KLF5: variants seen among roughly 807,000 people sequenced by gnomAD.
KLF5 encodes KLF transcription factor 5, also known as Krueppel-like factor 5.
A neutral mutation model predicts 36.9 loss-of-function variants in KLF5; 9 were observed. That is an observed-to-expected ratio of 0.24 (90% CI 0.15 to 0.43). The LOEUF (loss-of-function observed/expected upper bound fraction) is 0.43, where lower values mean the gene tolerates loss of function less well. Ranked by LOEUF, KLF5 falls within the 20% of genes least tolerant of loss-of-function variation. The pLI, the probability that KLF5 is intolerant of heterozygous loss-of-function variation, is 1.00. For missense variants in KLF5, 524 were observed against 599.5 expected (o/e 0.87, Z 1.31); for synonymous variants, 246 against 241.7 (o/e 1.02, Z -0.17).
chr13:73,071,267 T>TAC (rs2044720245), intron 3 of KLF5, among the ~76,000 whole-genome samples: 1 of 152,188 alleles, frequency 6.6e-6, no homozygotes, highest in Admixed American at 6.5e-5. Flanking sequence ...AAGAAAGTGA[T>TAC]AAATATAAAT....
intron 3 of KLF5, among the ~76,000 whole-genome samples, chr13:73,067,241 A>G (rs2044686769): frequency 6.6e-6 from 1 of 152,236 alleles, no homozygotes; most frequent in East Asian, 1.9e-4. Flanking sequence ...GTCTTTATAA[A>G]TCAACATGAC....
At chr13:73,066,958 A>G (rs1366537766) in intron 3 of KLF5, among the ~76,000 whole-genome samples, 1 of 152,206 alleles carries the variant, frequency 6.6e-6, no homozygotes, top group East Asian at 1.9e-4. Flanking sequence ...ATAGTATAGC[A>G]TAAGGCCTGT....
chr13:73,061,159 A>G lies in KLF5; in HGVS notation c.262-702A>G, dbSNP rs116865297. ...ATCTGTTTTAGATAGGGATATGAATAGGAACATTTCATTATCATATTAACC... is the reference window on the plus strand; with the variant it reads ...ATCTGTTTTAGATAGGGATATGAATGGGAACATTTCATTATCATATTAACC... On this transcript the variant is annotated intron_variant, in intron 1 of 3. Transcript: ENST00000377687. Among the ~76,000 whole-genome samples the G allele has an allele frequency of 1.9e-3, 288 of 152,352 alleles. 1 individual carries two copies. The highest frequency in any genetic ancestry group is 6.5e-3 in the African/African-American group (269 of 41,576).
At chr13:73,069,710 C>G (rs1381304949) in intron 3 of KLF5, among the ~76,000 whole-genome samples, 1 of 152,104 alleles carries the variant, frequency 6.6e-6, no homozygotes, top group Non-Finnish European at 1.5e-5. Context: ...TTCTGAGAAA[C>G]ATTTACATAG....
chr13:73,065,712 A>G (rs1164952542), intron 3 of KLF5, among the ~76,000 whole-genome samples: 1 of 152,350 alleles, frequency 6.6e-6, no homozygotes, highest in Non-Finnish European at 1.5e-5. Flanking sequence ...AGACATTTGA[A>G]CTATTGTTTT....
intron 1 of KLF5, among the ~76,000 whole-genome samples, chr13:73,061,427 C>A (rs774350900): frequency 4.6e-5 from 7 of 151,874 alleles, no homozygotes; most frequent in Non-Finnish European, 7.4e-5. Flanking sequence ...TTAAAAAAAA[C>A]CACGCTTTTT....
upstream of KLF5, among the ~76,000 whole-genome samples, chr13:73,057,586 ATT>A (rs2044590729): frequency 6.6e-6 from 1 of 152,218 alleles, no homozygotes; most frequent in Non-Finnish European, 1.5e-5. Flanking sequence ...TAATAAATAC[ATT>A]TCTTTATGTG....
At chr13:73,056,017 T>C (rs1461972419), upstream of KLF5, among the ~76,000 whole-genome samples, 1 of 152,198 alleles carries the variant, frequency 6.6e-6, no homozygotes, top group African/African-American at 2.4e-5. Flanking sequence ...GCCCTAGTGA[T>C]AGCTTCATAT....
intron 3 of KLF5, among the ~76,000 whole-genome samples, chr13:73,072,285 A>G (rs2044727821): frequency 6.6e-6 from 1 of 152,216 alleles, no homozygotes; most frequent in Admixed American, 6.5e-5. Context: ...GCTTACAAAC[A>G]TGTTCCACTA....
chr13:73,065,232 AG>A (rs1017561784), intron 3 of KLF5, among the ~76,000 whole-genome samples: 5 of 152,232 alleles, frequency 3.3e-5, no homozygotes, highest in Non-Finnish European at 5.9e-5. Context: ...TGATAAATGA[AG>A]TAGTTATCTC....
At chr13:73,059,916 T>TA (rs2044619904) in intron 1 of KLF5, 1 of 440,536 alleles carries the variant, frequency 2.3e-6, no homozygotes, top group Non-Finnish European at 3.0e-6. Context: ...CCTTGTACCT[T>TA]ACGCTCAGTT....
At position 73,059,774 on chromosome 13, in the gene KLF5, T is replaced by TGG. The variant is rs11335137; in HGVS notation, c.261+196_261+197dup. 6.5e-3 allele frequency: 2,481 copies of TGG among 380,648 alleles called. 2 individuals carry two copies. The highest frequency in any genetic ancestry group is 7.5e-3 in the Non-Finnish European group (2,279 of 302,862). The allele number at this position is 380,648 out of a possible 1,614,324, so 23.6% of individuals were successfully genotyped here. On this transcript the variant is annotated intron_variant, in intron 1 of 3. Coordinates refer to ENST00000377687, the MANE Select transcript of KLF5 (RefSeq NM_001730.5). ...GGCCCCGCGTTTCGCTGAGAGTAAA[T>TGG]GGGGGGGGGGGCCGGGGGTGGGAAG...
intron 3 of KLF5, among the ~76,000 whole-genome samples, chr13:73,065,452 T>C (rs929050035): frequency 2.0e-5 from 3 of 152,226 alleles, no homozygotes; most frequent in Non-Finnish European, 2.9e-5. Flanking sequence ...AGGCATCTTA[T>C]GTATTTATCT....
Position 73,075,915 on chromosome 13 carries a change from C to G in KLF5, c.*29C>G. On this transcript the variant is annotated 3_prime_UTR_variant, in exon 4 of 4. Coordinates refer to ENST00000377687, the MANE Select transcript of KLF5 (RefSeq NM_001730.5). ...CTGCCCGTGTGACCCGTTCCAGGTC[C>G]CCTGGGCTCCCTCAAATGACAGACC... 3.4e-6 allele frequency: 5 copies of G among 1,489,052 alleles called. No individual in the cohort carries two copies. Among genetic ancestry groups the G allele is most frequent in the Non-Finnish European group, 4.5e-6 (5 of 1,099,420 alleles). 92.2% of individuals were successfully genotyped at this position (1,489,052 alleles called of 1,614,324 possible).
In KLF5 at chr13:73,062,108, G is replaced by A; in HGVS notation, c.509G>A (p.Ser170Asn). 1 of 1,614,060 alleles carries A rather than the reference G, an allele frequency of 6.2e-7. No homozygotes were observed. Among genetic ancestry groups the A allele is most frequent in the Non-Finnish European group, 8.5e-7 (1 of 1,180,024 alleles). Residue 170 changes from serine to asparagine, a missense_variant, in exon 2 of 4, where the codon AGC (serine) becomes AAC (asparagine). Around this residue, in one of 4 missense-constraint regions of KLF5, gnomAD observed 454 missense variants for 458.1 expected, o/e 0.99. Coordinates refer to ENST00000377687, the MANE Select transcript of KLF5 (RefSeq NM_001730.5). ...HIKTEPVAIFSHQSETTAPPP... is the reference protein window; with the variant it reads ...HIKTEPVAIFNHQSETTAPPP... ...AAGACAGAACCTGTTGCCATTTTCAGCCACCAGAGTGAAACGACTGCCCCT... is the reference window on the plus strand; with the variant it reads ...AAGACAGAACCTGTTGCCATTTTCAACCACCAGAGTGAAACGACTGCCCCT...
chr13:73,076,009 T>C lies in KLF5; in HGVS notation c.*123T>C, dbSNP rs767960849. The C allele has an allele frequency of 2.0e-5, 16 of 786,450 alleles. No homozygotes were observed. The highest frequency in any genetic ancestry group is 3.0e-5 in the Non-Finnish European group (16 of 534,688). 48.7% of individuals were successfully genotyped at this position (786,450 alleles called of 1,614,324 possible). On this transcript the variant is annotated 3_prime_UTR_variant, in exon 4 of 4. Coordinates refer to ENST00000377687, the MANE Select transcript of KLF5 (RefSeq NM_001730.5). ...AAAACCACAACTAAAACTGGAAATG[T>C]ATATTTTGTATATTTGAGAAAACAG...
At position 73,067,944 on chromosome 13, in the gene KLF5, G is replaced by A. The variant is rs550954094; in HGVS notation, c.1195+4061G>A. On this transcript the variant is annotated intron_variant, in intron 3 of 3. Transcript: ENST00000377687. Reference sequence around the variant, plus strand: ...CAACCTCCACCTCCCAGGTTCAAGCGATTCTCCTGCCTCAGCCTCTCAAGT... The same window carrying A: ...CAACCTCCACCTCCCAGGTTCAAGCAATTCTCCTGCCTCAGCCTCTCAAGT... 1.4e-4 allele frequency among the ~76,000 whole-genome samples: 21 copies of A among 151,618 alleles called. No individual in the cohort carries two copies. The East Asian group carries it at 3.3e-3, about 24-fold the overall frequency.
intron 3 of KLF5, among the ~76,000 whole-genome samples, chr13:73,072,058 A>G (rs1242153423): frequency 6.6e-6 from 1 of 152,234 alleles, no homozygotes; most frequent in East Asian, 1.9e-4. Flanking sequence ...AACATTATCT[A>G]AAATAACTAT....
intron 3 of KLF5, 44 bp from the exon 4 acceptor site, chr13:73,075,664 G>T: frequency 1.3e-6 from 2 of 1,487,994 alleles, no homozygotes; most frequent in Non-Finnish European, 1.8e-6. Context: ...TAGGATGTTT[G>T]CATTACAAGC....
Sources: gnomAD v4.1 joint callset for allele counts (sites outside exome capture counted in the v4.1 genomes callset) on GRCh38, gnomAD v4.1.1 for gene constraint, gnomAD v4.1.1 regional missense constraint, MANE v1.5 for transcripts, NCBI Gene and HGNC (gene_info 2026-07-23, HGNC 2026-07-21) for gene names.